The following HIBCH variants were observed in gnomAD, a reference collection of about 807,000 sequenced individuals.
HIBCH encodes 3-hydroxyisobutyryl-CoA hydrolase, mitochondrial.
In HIBCH, 50 loss-of-function variants were observed where a neutral mutation model predicts 58.2. That is an observed-to-expected ratio of 0.86 (90% CI 0.68 to 1.09). HIBCH has a LOEUF of 1.09. Ranked by LOEUF, HIBCH falls within the 50% of genes least tolerant of loss-of-function variation. The probability of loss-of-function intolerance (pLI) is 0.00; values close to 1 mark genes in which losing one functional copy is unlikely to be tolerated. For synonymous variants in HIBCH, 151 were observed against 146.9 expected, an observed-to-expected ratio of 1.03 and a Z score of -0.20; for missense variants, 450 against 449.7, an observed-to-expected ratio of 1.00 and a Z score of -0.01.
At chr2:190,235,332 G>T (rs1686237931) in intron 11 of HIBCH, among the ~76,000 whole-genome samples, 1 of 152,202 alleles carries the variant, frequency 6.6e-6, no homozygotes, top group African/African-American at 2.4e-5. Context: ...CTTATGGGTG[G>T]CATACGCAGT....
intron 6 of HIBCH, among the ~76,000 whole-genome samples, chr2:190,266,352 AAATATGTTCG>A (rs1313090627): frequency 1.3e-5 from 2 of 152,240 alleles, no homozygotes; most frequent in African/African-American, 4.8e-5. Flanking sequence ...TTATTGAAAG[AAATATGTTCG>A]AATATTTCTT....
Position 190,281,909 on chromosome 2 carries a change from G to A in HIBCH, c.438+5677C>T, listed in dbSNP as rs1395406604. ...AGGTTCTTTGTCACTTTATTACAAG[G>A]ATGCTCTTTACTCCAATATCTTGTT... is the stretch of plus-strand genomic sequence containing the variant. On this transcript the variant is annotated intron_variant, in intron 6 of 13. Transcript: ENST00000359678. The surrounding 1 kb of genome is among the most constrained non-coding windows in gnomAD (Gnocchi z 5.4). 6.6e-6 allele frequency among the ~76,000 whole-genome samples: 1 copy of A among 152,092 alleles called. No individual in the cohort carries two copies. The highest frequency in any genetic ancestry group is 1.5e-5 in the Non-Finnish European group (1 of 68,026).
chr2:190,296,363 T>G (rs1470985833), intron 3 of HIBCH, among the ~76,000 whole-genome samples: 1 of 148,780 alleles, frequency 6.7e-6, no homozygotes, highest in Non-Finnish European at 1.5e-5. Flanking sequence ...GAGCTTGCAG[T>G]GAGCCGAGAT....
intron 1 of HIBCH, among the ~76,000 whole-genome samples, chr2:190,312,570 C>T (rs1169151243): frequency 6.6e-6 from 1 of 152,222 alleles, no homozygotes. Context: ...CCAGTTACCA[C>T]TTGTAACAAC....
rs147936734 is a variant in HIBCH at position 190,192,452 on chromosome 2, C to CTGTGTGTGTGTGTGTGTGTGTGTG, written c.*18-2479_*18-2456dup. Among the ~76,000 whole-genome samples the CTGTGTGTGTGTGTGTGTGTGTGTG allele has an allele frequency of 2.0e-3, 289 of 145,334 alleles. 1 individual carries two copies. The highest frequency in any genetic ancestry group is 6.7e-3 in the African/African-American group (260 of 39,046). Reference sequence around the variant, plus strand: ...TGTGTTTCCATGTATAATTCAGAATCTGTGTGTGTGTGTGTGTGTGTGTGT... The same window carrying CTGTGTGTGTGTGTGTGTGTGTGTG: ...TGTGTTTCCATGTATAATTCAGAATCTGTGTGTGTGTGTGTGTGTGTGTGTGTGTGTGTGTGTGTGTGTGTGTGT... On this transcript the variant is annotated intron_variant, in intron 1 of 1. Transcript: ENST00000399855.
intron 1 of HIBCH, among the ~76,000 whole-genome samples, chr2:190,317,271 T>C (rs1296116775): frequency 6.6e-6 from 1 of 152,206 alleles, no homozygotes; most frequent in East Asian, 1.9e-4. Context: ...ATAACTGTAC[T>C]TGTCCCTTAA....
chr2:190,299,247 T>C (rs774440153), intron 2 of HIBCH, among the ~76,000 whole-genome samples: 4 of 152,252 alleles, frequency 2.6e-5, no homozygotes, highest in Non-Finnish European at 5.9e-5. Context: ...AACACGTTTA[T>C]ATAACGTTTA....
At chr2:190,246,486 A>C (rs868514494) in intron 9 of HIBCH, among the ~76,000 whole-genome samples, 3 of 152,232 alleles carry the variant, frequency 2.0e-5, no homozygotes, top group Non-Finnish European at 4.4e-5. Flanking sequence ...TTGACACATT[A>C]TCATTAAAAT....
At chr2:190,248,068 T>C (rs534586558) in intron 9 of HIBCH, among the ~76,000 whole-genome samples, 1 of 152,122 alleles carries the variant, frequency 6.6e-6, no homozygotes, top group Non-Finnish European at 1.5e-5. Flanking sequence ...TGTTGTTGTT[T>C]AAGAGGTAAA....
At chr2:190,200,459 A>G, downstream of HIBCH, 1 of 235,226 alleles carries the variant, frequency 4.3e-6, no homozygotes, top group South Asian at 1.0e-4. Context: ...GCTAAGGAAT[A>G]AAAACTGCCC....
chr2:190,225,445 C>T (rs1468812749), intron 11 of HIBCH, among the ~76,000 whole-genome samples: 1 of 152,114 alleles, frequency 6.6e-6, no homozygotes, highest in African/African-American at 2.4e-5. Flanking sequence ...GATATCACCA[C>T]CGATCCCACA....
intron 1 of HIBCH, among the ~76,000 whole-genome samples, chr2:190,313,166 T>C (rs1361063920): frequency 6.6e-6 from 1 of 152,234 alleles, no homozygotes; most frequent in Non-Finnish European, 1.5e-5. Flanking sequence ...AGTAACTCTT[T>C]GTTAAGCCCT....
In HIBCH at chr2:190,203,937, T is replaced by A. The variant is rs914626580; in HGVS notation, c.*1180A>T. 7 of 152,078 alleles carry A rather than the reference T, an allele frequency of 4.6e-5. No homozygotes were observed. Among genetic ancestry groups the A allele is most frequent in the Non-Finnish European group, 1.0e-4 (7 of 67,940 alleles). 9.4% of individuals were successfully genotyped at this position (152,078 alleles called of 1,614,324 possible). A position where few individuals can be genotyped will look rare whatever the true frequency, so the allele number is the denominator to read the frequency against. ...AAACTATAACAAGTTACAAAAAATTTATTTTGTTTATAAACAAAAATTACA... is the reference window on the plus strand; with the variant it reads ...AAACTATAACAAGTTACAAAAAATTAATTTTGTTTATAAACAAAAATTACA... On this transcript the variant is annotated 3_prime_UTR_variant, in exon 14 of 14. Coordinates refer to ENST00000359678, the MANE Select transcript of HIBCH (RefSeq NM_014362.4).
Position 190,211,585 on chromosome 2 carries a change from A to G in HIBCH, c.1011+1371T>C, listed in dbSNP as rs1575694763. ...ACTCCTTTCTCATCCTTTAGGTCACAAATGAAGTGACATCACAAAGATGTC... is the reference window on the plus strand; with the variant it reads ...ACTCCTTTCTCATCCTTTAGGTCACGAATGAAGTGACATCACAAAGATGTC... On this transcript the variant is annotated intron_variant, in intron 12 of 13. Coordinates refer to ENST00000359678, the MANE Select transcript of HIBCH (RefSeq NM_014362.4). The surrounding 1 kb of genome is among the most constrained non-coding windows in gnomAD (Gnocchi z 5.0). Among the ~76,000 whole-genome samples the G allele has an allele frequency of 1.3e-5, 2 of 152,184 alleles. No individual in the cohort carries two copies. The highest frequency in any genetic ancestry group is 3.9e-4 in the East Asian group (2 of 5,192).
chr2:190,222,911 C>T (rs1486432149), intron 11 of HIBCH, among the ~76,000 whole-genome samples: 2 of 152,230 alleles, frequency 1.3e-5, no homozygotes, highest in Admixed American at 6.5e-5. Context: ...GAAAATGTGG[C>T]ACATATACAC....
intron 6 of HIBCH, among the ~76,000 whole-genome samples, chr2:190,261,868 A>C (rs6729745): frequency 0.016 from 2,500 of 152,268 alleles, 75 homozygotes; most frequent in African/African-American, 0.056. Flanking sequence ...CTTTTTCTCT[A>C]AGGGAATCTG....
At chr2:190,200,318 A>ATGTT (rs1237924569), downstream of HIBCH, 2 of 622,706 alleles carry the variant, frequency 3.2e-6, no homozygotes, top group African/African-American at 3.7e-5. Flanking sequence ...AAGTACTTCT[A>ATGTT]TGTTAACAGC....
At chr2:190,307,248 T>C (rs1197437039) in intron 2 of HIBCH, among the ~76,000 whole-genome samples, 3 of 152,316 alleles carry the variant, frequency 2.0e-5, no homozygotes, top group Middle Eastern at 3.4e-3. Context: ...TTTCATGCAC[T>C]CCAAACACTA....
intron 6 of HIBCH, among the ~76,000 whole-genome samples, chr2:190,264,181 G>C (rs942517516): frequency 6.6e-5 from 10 of 151,932 alleles, no homozygotes; most frequent in Non-Finnish European, 1.5e-4. Context: ...GGTCCCATAT[G>C]ATCTGGTCCC....
Sources: allele counts gnomAD v4.1 joint callset (sites outside exome capture counted in the v4.1 genomes callset), GRCh38; gene constraint gnomAD v4.1.1; non-coding constraint Gnocchi (gnomAD v3.1); transcripts MANE v1.5; gene names NCBI Gene and HGNC (gene_info 2026-07-23, HGNC 2026-07-21).